Variants in SORCS1 observed in about 807,000 individuals in gnomAD.
SORCS1 encodes the protein VPS10 domain-containing receptor SorCS1.
Under a neutral mutation model 146.1 loss-of-function variants are expected in SORCS1, and 60 were observed. That is an observed-to-expected ratio of 0.41 (90% CI 0.33 to 0.51). SORCS1 has a LOEUF of 0.51. Ranked by LOEUF, SORCS1 falls within the 20% of genes least tolerant of loss-of-function variation. The pLI is 0.21. For missense variants in SORCS1, 1,352 were observed against 1,487.6 expected (o/e 0.91, Z 1.50); for synonymous variants, 637 against 584.0 (o/e 1.09, Z -1.31).
chr10:106,769,808 G>A (rs1859870517), intron 4 of SORCS1, among the ~76,000 whole-genome samples: 1 of 152,112 alleles, frequency 6.6e-6, no homozygotes, highest in East Asian at 1.9e-4. Context: ...AATATTTAGA[G>A]TTTCCAGCCA....
intron 22 of SORCS1, among the ~76,000 whole-genome samples, chr10:106,607,562 T>C (rs12416399): frequency 0.012 from 1,894 of 152,312 alleles, 74 homozygotes; most frequent in Admixed American, 0.082. Context: ...TATGCCTACA[T>C]TCCTTTAAAT....
intron 3 of SORCS1, among the ~76,000 whole-genome samples, chr10:106,801,320 T>C (rs1008248362): frequency 1.3e-5 from 2 of 152,128 alleles, no homozygotes; most frequent in African/African-American, 4.8e-5. Context: ...CTAAATAGTA[T>C]GGTTTGGGGA....
intron 2 of SORCS1, among the ~76,000 whole-genome samples, chr10:106,878,649 T>TATATATATATATATATTTA (rs1491300730): frequency 2.2e-5 from 3 of 137,870 alleles, no homozygotes; most frequent in East Asian, 2.2e-4. Context: ...TATATATATA[T>TATATATATATATATATTTA]TTTATAGCAG....
chr10:107,124,444 C>G (rs1439325216), intron 1 of SORCS1, among the ~76,000 whole-genome samples: 1 of 152,090 alleles, frequency 6.6e-6, no homozygotes, highest in African/African-American at 2.4e-5. Flanking sequence ...GGAATCAGGA[C>G]CAGTCAGGTT....
chr10:106,620,579 G>C lies in SORCS1; in HGVS notation c.2663-18C>G. 6.2e-7 allele frequency: 1 copy of C among 1,612,120 alleles called. No homozygotes were observed. The highest frequency in any genetic ancestry group is 8.5e-7 in the Non-Finnish European group (1 of 1,178,692). On this transcript the variant is annotated intron_variant, in intron 19 of 25. Coordinates refer to ENST00000263054, the MANE Select transcript of SORCS1 (RefSeq NM_052918.5). ...CAAGGGACCTGAGGCACAAGAGAAA[G>C]AGAGGCCATGGATGGGGAAGAGCTT... is the stretch of plus-strand genomic sequence containing the variant.
intron 1 of SORCS1, among the ~76,000 whole-genome samples, chr10:107,058,245 G>C (rs1423659575): frequency 6.6e-6 from 1 of 151,922 alleles, no homozygotes; most frequent in Non-Finnish European, 1.5e-5. Context: ...GTTTCACCGT[G>C]TTAGCCAGGA....
At chr10:107,013,223 A>T (rs1219571472) in intron 1 of SORCS1, among the ~76,000 whole-genome samples, 2 of 152,124 alleles carry the variant, frequency 1.3e-5, no homozygotes, top group African/African-American at 4.8e-5. Flanking sequence ...GTATGTTTGG[A>T]AGAGGTAGGG....
chr10:106,995,347 A>G (rs919215185), intron 1 of SORCS1, among the ~76,000 whole-genome samples: 3 of 151,692 alleles, frequency 2.0e-5, no homozygotes, highest in African/African-American at 7.3e-5. Context: ...AGGGTAACAG[A>G]GAATAGAAGA....
chr10:107,162,204 G>A (rs1225362330), intron 1 of SORCS1, among the ~76,000 whole-genome samples: 1 of 152,172 alleles, frequency 6.6e-6, no homozygotes, highest in Non-Finnish European at 1.5e-5. Context: ...AAAAGAAGAG[G>A]TCTAATGGGT....
chr10:106,811,696 C>A (rs1947467430), intron 3 of SORCS1, among the ~76,000 whole-genome samples: 1 of 152,160 alleles, frequency 6.6e-6, no homozygotes, highest in African/African-American at 2.4e-5. Flanking sequence ...ATTCAAGCAG[C>A]AGTACTCTGC....
chr10:106,971,398 C>G (rs1237670511), intron 1 of SORCS1, among the ~76,000 whole-genome samples: 1 of 152,124 alleles, frequency 6.6e-6, no homozygotes, highest in Non-Finnish European at 1.5e-5. Flanking sequence ...TGGACTTTTC[C>G]AGGCATTAAC....
Position 106,931,790 on chromosome 10 carries a change from T to C in SORCS1, c.626+24723A>G, listed in dbSNP as rs536342050. On this transcript the variant is annotated intron_variant, in intron 2 of 25. Transcript: ENST00000263054. ...GTCTATCAAAATGAACTCACTGCTG[T>C]TCATTTTTCCTGCCTGCCATGCTGT... Among the ~76,000 whole-genome samples, 4 of 152,312 alleles carry C rather than the reference T, an allele frequency of 2.6e-5. No individual in the cohort carries two copies. In the South Asian group the frequency reaches 8.3e-4, roughly 32 times the overall value.
intron 6 of SORCS1, among the ~76,000 whole-genome samples, chr10:106,722,350 A>T (rs1402338642): frequency 6.6e-6 from 1 of 152,182 alleles, no homozygotes; most frequent in Non-Finnish European, 1.5e-5. Flanking sequence ...CCAGATTTTG[A>T]CATACTTACT....
At chr10:106,924,729 T>TTC (rs386372382) in intron 2 of SORCS1, among the ~76,000 whole-genome samples, 1 of 36,048 alleles carries the variant, frequency 2.8e-5, no homozygotes, top group Non-Finnish European at 1.1e-4. Context: ...TTCCCAAGTC[T>TTC]TTTTTTTTTT....
At position 106,686,384 on chromosome 10, in the gene SORCS1, T is replaced by A. The variant is rs531551697; in HGVS notation, c.1560+1808A>T. Among the ~76,000 whole-genome samples the A allele has an allele frequency of 7.9e-5, 12 of 152,194 alleles. No individual in the cohort carries two copies. The East Asian group carries it at 2.3e-3, about 29-fold the overall frequency. ...TAATGGTTCATTTATGATGCCAGAG[T>A]CCCCAGGCAAGCCCATTTAGGTGAC... On this transcript the variant is annotated intron_variant, in intron 10 of 25. Transcript: ENST00000263054.
chr10:107,164,821 G>T (rs1969992825), upstream of SORCS1, among the ~76,000 whole-genome samples: 1 of 147,762 alleles, frequency 6.8e-6, no homozygotes, highest in African/African-American at 2.4e-5. The surrounding 1 kb of genome is among the most constrained non-coding windows in gnomAD (Gnocchi z 6.8). Flanking sequence ...GAGGGCAGGC[G>T]CTGCCGGGAC....
At chr10:106,998,564 AC>A (rs1373814210) in intron 1 of SORCS1, among the ~76,000 whole-genome samples, 1 of 152,254 alleles carries the variant, frequency 6.6e-6, no homozygotes, top group Non-Finnish European at 1.5e-5. Context: ...TTGACCTGGA[AC>A]AAAAATAAGC....
At chr10:106,953,273 C>A (rs1954786341) in intron 2 of SORCS1, among the ~76,000 whole-genome samples, 1 of 151,788 alleles carries the variant, frequency 6.6e-6, no homozygotes, top group Admixed American at 6.6e-5. Flanking sequence ...GCTCAAATTC[C>A]TGATAGAAGA....
intron 3 of SORCS1, among the ~76,000 whole-genome samples, chr10:106,812,941 G>A (rs1232390362): frequency 2.0e-5 from 3 of 151,656 alleles, no homozygotes; most frequent in Non-Finnish European, 4.4e-5. Flanking sequence ...GTTCTGCTCA[G>A]CACGCACATG....
Sources: gnomAD v4.1 joint callset for allele counts (sites outside exome capture counted in the v4.1 genomes callset) on GRCh38, gnomAD v4.1.1 for gene constraint, Gnocchi (gnomAD v3.1) non-coding constraint, MANE v1.5 for transcripts, NCBI Gene and HGNC (gene_info 2026-07-23, HGNC 2026-07-21) for gene names.